SDK1: variants seen among roughly 807,000 people sequenced by gnomAD.
SDK1 encodes sidekick cell adhesion molecule 1, also known as protein sidekick-1.
SDK1 carries 157 observed loss-of-function variants against 245.5 expected under a neutral mutation model. The ratio of observed to expected loss-of-function variants is 0.64; its 90% CI spans 0.56 to 0.73. The LOEUF is 0.73. SDK1 is among the 30% of genes least tolerant of loss of function. The pLI, the probability that SDK1 is intolerant of heterozygous loss-of-function variation, is 0.00. For synonymous variants in SDK1, 1,647 were observed against 1,278.5 expected (o/e 1.29, Z -6.15); for missense variants, 3,583 against 3,002.3 (o/e 1.19, Z -4.52).
At chr7:3,496,816 T>G (rs1310166901) in intron 1 of SDK1, among the ~76,000 whole-genome samples, 1 of 152,168 alleles carries the variant, frequency 6.6e-6, no homozygotes, top group Non-Finnish European at 1.5e-5. Flanking sequence ...CAAGGTAAAT[T>G]TGGCTAATTT....
Position 4,241,925 on chromosome 7 carries a change from G to A in SDK1, c.6251+12G>A, listed in dbSNP as rs1160572874. 2 of 1,611,418 alleles carry A rather than the reference G, an allele frequency of 1.2e-6. No homozygotes were observed. Among genetic ancestry groups the A allele is most frequent in the Admixed American group, 1.7e-5 (1 of 60,032 alleles). ...AAGAACGGGACCAGGTAGGCAGGCA[G>A]TGCTGTGCTGCGCCCACCTGGGGAT... On this transcript the variant is annotated intron_variant, in intron 43 of 44. Coordinates refer to ENST00000404826, the MANE Select transcript of SDK1 (RefSeq NM_152744.4).
intron 17 of SDK1, among the ~76,000 whole-genome samples, chr7:4,022,776 C>CTTTTTTTT (rs770558246): frequency 7.2e-6 from 1 of 138,168 alleles, no homozygotes; most frequent in South Asian, 2.3e-4. Flanking sequence ...TTCTTTCTTT[C>CTTTTTTTT]TTTTTTTTTT....
chr7:3,515,308 G>C (rs993845783), intron 1 of SDK1, among the ~76,000 whole-genome samples: 2 of 152,138 alleles, frequency 1.3e-5, no homozygotes, highest in East Asian at 3.9e-4. Context: ...TTCTTTTGTT[G>C]TGTCTATATT....
intron 1 of SDK1, among the ~76,000 whole-genome samples, chr7:3,478,831 A>G (rs1298939079): frequency 6.6e-6 from 1 of 151,984 alleles, no homozygotes; most frequent in Non-Finnish European, 1.5e-5. Context: ...TGAACATTTA[A>G]ATGTGTACGT....
At chr7:4,244,932 T>C (rs972785332) in intron 43 of SDK1, among the ~76,000 whole-genome samples, 6 of 152,222 alleles carry the variant, frequency 3.9e-5, no homozygotes, top group African/African-American at 1.4e-4. Flanking sequence ...TACTGTTGGC[T>C]TCTGTGAGGC....
rs545438021 is a variant in SDK1, at chr7:3,909,891, A to G, written c.848-41032A>G. Among the ~76,000 whole-genome samples the G allele has an allele frequency of 3.3e-5, 5 of 151,998 alleles. No homozygotes were observed. The East Asian group carries it at 7.7e-4, about 23-fold the overall frequency. ...GATGGAAATGCAGCTTTGAAAACCTATAATGAGCAGGAGGGATTATTATGC... is the reference window on the plus strand; with the variant it reads ...GATGGAAATGCAGCTTTGAAAACCTGTAATGAGCAGGAGGGATTATTATGC... On this transcript the variant is annotated intron_variant, in intron 5 of 44. Transcript: ENST00000404826.
intron 4 of SDK1, among the ~76,000 whole-genome samples, chr7:3,747,213 A>G (rs1201181282): frequency 6.6e-6 from 1 of 152,246 alleles, no homozygotes; most frequent in Non-Finnish European, 1.5e-5. Flanking sequence ...CTAGGTAAAT[A>G]GATGGAAAAA....
chr7:3,926,473 A>G (rs1403495644), intron 5 of SDK1, among the ~76,000 whole-genome samples: 1 of 152,044 alleles, frequency 6.6e-6, no homozygotes, highest in Non-Finnish European at 1.5e-5. Context: ...TTTTTATTTT[A>G]TTTTAAAGAC....
intron 5 of SDK1, among the ~76,000 whole-genome samples, chr7:3,947,415 T>C (rs1780622073): frequency 6.6e-6 from 1 of 152,190 alleles, no homozygotes; most frequent in Admixed American, 6.5e-5. Context: ...ATATTTACTA[T>C]GTAAAGATTA....
intron 1 of SDK1, among the ~76,000 whole-genome samples, chr7:3,618,464 G>A (rs559317539): frequency 1.3e-5 from 2 of 152,082 alleles, no homozygotes; most frequent in African/African-American, 2.4e-5. Flanking sequence ...GATGTGTGTG[G>A]GATTTACCTG....
intron 1 of SDK1, among the ~76,000 whole-genome samples, chr7:3,406,090 G>A (rs1211028858): frequency 1.3e-5 from 2 of 152,112 alleles, no homozygotes; most frequent in East Asian, 3.9e-4. Context: ...TGGGATTACA[G>A]GCGTGAGCCA....
At chr7:4,097,026 G>A (rs1047089400) in intron 22 of SDK1, among the ~76,000 whole-genome samples, 1 of 152,246 alleles carries the variant, frequency 6.6e-6, no homozygotes, top group African/African-American at 2.4e-5. Flanking sequence ...GGCAAATGCA[G>A]CAGTCCCCAG....
Position 4,149,370 on chromosome 7 carries a change from A to G in SDK1, c.4532A>G (p.Tyr1511Cys). The G allele has an allele frequency of 6.3e-7, 1 of 1,592,550 alleles. No homozygotes were observed. The stretch of plus-strand genomic sequence containing the variant: ...AGCGACGGGGCCTCCCCCATCCGGT[A>G]CTTCACCATGCAGGTGCGAGAGCTG... Reference protein sequence around the residue: ...PGSDGASPIRYFTMQVRELPR... With the variant: ...PGSDGASPIRCFTMQVRELPR... The change falls in exon 30 of 45, where the codon TAC (tyrosine) becomes TGC (cysteine). Residue 1511 changes from tyrosine to cysteine, a missense_variant. By Grantham distance (194) the Tyr-to-Cys change is radical. Coordinates refer to ENST00000404826, the MANE Select transcript of SDK1 (RefSeq NM_152744.4).
At chr7:3,382,379 C>G (rs1012265992) in intron 1 of SDK1, among the ~76,000 whole-genome samples, 1 of 152,170 alleles carries the variant, frequency 6.6e-6, no homozygotes, top group Non-Finnish European at 1.5e-5. Context: ...GTATCTGACT[C>G]CAGAGTGGTG....
chr7:3,855,563 G>A (rs1011201739), intron 5 of SDK1, among the ~76,000 whole-genome samples: 6 of 151,954 alleles, frequency 3.9e-5, no homozygotes, highest in African/African-American at 1.5e-4. Flanking sequence ...AATAATGTAT[G>A]TAAAAAAAAG....
At chr7:4,003,780 G>A (rs542920917) in intron 14 of SDK1, among the ~76,000 whole-genome samples, 1 of 152,348 alleles carries the variant, frequency 6.6e-6, no homozygotes, top group East Asian at 1.9e-4. Context: ...CCACCCTAAG[G>A]AATGCAGCCT....
At chr7:4,263,512 ACC>A (rs1416831709) in intron 44 of SDK1, among the ~76,000 whole-genome samples, 43 of 95,862 alleles carry the variant, frequency 4.5e-4, no homozygotes, top group African/African-American at 1.8e-3. Context: ...GGCCACGTAG[ACC>A]TCTCCTGAGT....
At chr7:3,723,991 G>T (rs1461759042) in intron 4 of SDK1, among the ~76,000 whole-genome samples, 1 of 149,472 alleles carries the variant, frequency 6.7e-6, no homozygotes, top group Non-Finnish European at 1.5e-5. Context: ...GAGAGAGAGA[G>T]TCTCACCTGT....
intron 20 of SDK1, among the ~76,000 whole-genome samples, chr7:4,069,232 G>A (rs957190856): frequency 9.2e-5 from 14 of 152,190 alleles, no homozygotes; most frequent in Admixed American, 2.6e-4. Context: ...TCAGGAGGAC[G>A]AGTTGAGAGA....
Sources: gnomAD v4.1 joint callset for allele counts (sites outside exome capture counted in the v4.1 genomes callset) on GRCh38, gnomAD v4.1.1 for gene constraint, MANE v1.5 for transcripts, NCBI Gene and HGNC (gene_info 2026-07-23, HGNC 2026-07-21) for gene names.